The following ARHGEF33 variants were observed in gnomAD, a reference collection of about 807,000 sequenced individuals.
ARHGEF33 encodes the protein DH and coiled-coil domain-containing protein ENSP00000381780.
ARHGEF33 carries 72 observed loss-of-function variants against 101.9 expected under a neutral mutation model. That is an observed-to-expected ratio of 0.71 (90% CI 0.58 to 0.86). The LOEUF (loss-of-function observed/expected upper bound fraction) is 0.86, where lower values mean the gene tolerates loss of function less well. Among genes scored for constraint, ARHGEF33 ranks in the 40% least tolerant of loss-of-function variants. The probability of loss-of-function intolerance (pLI) is 0.00; values close to 1 mark genes in which losing one functional copy is unlikely to be tolerated. For missense variants in ARHGEF33, 1,169 were observed against 1,111.3 expected, an observed-to-expected ratio of 1.05 and a Z score of -0.74; for synonymous variants, 499 against 442.5, an observed-to-expected ratio of 1.13 and a Z score of -1.60.
chr2:38,939,745 G>A (rs1667255730), intron 9 of ARHGEF33, among the ~76,000 whole-genome samples: 1 of 152,062 alleles, frequency 6.6e-6, no homozygotes, highest in South Asian at 2.1e-4. Flanking sequence ...TGATCTCCTG[G>A]GCTTACGTGA....
chr2:38,939,868 C>T (rs1242103746), intron 9 of ARHGEF33, among the ~76,000 whole-genome samples: 2 of 152,166 alleles, frequency 1.3e-5, no homozygotes, highest in African/African-American at 4.8e-5. Flanking sequence ...TTCTGAGAAA[C>T]CTTTGCTATC....
At chr2:38,961,939 A>G (rs1667952496) in intron 16 of ARHGEF33, among the ~76,000 whole-genome samples, 1 of 152,186 alleles carries the variant, frequency 6.6e-6, no homozygotes, top group Non-Finnish European at 1.5e-5. Flanking sequence ...ATACTGTGCC[A>G]TGTCAAAGTG....
rs576374150 is a variant in ARHGEF33 at position 38,941,815 on chromosome 2, G to A, written c.791-2086G>A. Among the ~76,000 whole-genome samples the A allele has an allele frequency of 2.0e-5, 3 of 152,150 alleles. No individual in the cohort carries two copies. In the East Asian group the frequency reaches 5.8e-4, roughly 29 times the overall value. On this transcript the variant is annotated intron_variant, in intron 9 of 17. Coordinates refer to ENST00000409978, the MANE Select transcript of ARHGEF33 (RefSeq NM_001145451.5). ...CCACCCCGGCCTCCCAAAGTGCTGG[G>A]ATTACAGGTGTGAGCCACTGTGCCC...
At chr2:38,907,024 T>A (rs1666407921) in intron 2 of ARHGEF33, among the ~76,000 whole-genome samples, 1 of 152,044 alleles carries the variant, frequency 6.6e-6, no homozygotes, top group Non-Finnish European at 1.5e-5. Context: ...CAAAGCAGGC[T>A]TCATGAAGGG....
At chr2:38,928,265 T>A (rs1666917138) in intron 4 of ARHGEF33, among the ~76,000 whole-genome samples, 1 of 152,154 alleles carries the variant, frequency 6.6e-6, no homozygotes, top group Non-Finnish European at 1.5e-5. Context: ...ATGATTCATA[T>A]CACCATCAAC....
At chr2:38,908,091 C>T (rs1666432743) in intron 2 of ARHGEF33, among the ~76,000 whole-genome samples, 3 of 152,060 alleles carry the variant, frequency 2.0e-5, no homozygotes, top group Non-Finnish European at 4.4e-5. Context: ...TCTTGAACTC[C>T]TGGGCTCAAA....
chr2:38,946,439 T>C (rs551733481), intron 10 of ARHGEF33, among the ~76,000 whole-genome samples: 1 of 152,228 alleles, frequency 6.6e-6, no homozygotes, highest in Non-Finnish European at 1.5e-5. Flanking sequence ...CCTTCTTTTT[T>C]CTTTGCATGG....
intron 7 of ARHGEF33, among the ~76,000 whole-genome samples, chr2:38,935,011 A>G (rs527759074): frequency 2.0e-5 from 3 of 151,662 alleles, no homozygotes; most frequent in African/African-American, 4.8e-5. Context: ...AACGGGGGTA[A>G]AGCAGAGTGA....
intron 16 of ARHGEF33, among the ~76,000 whole-genome samples, chr2:38,965,122 T>A (rs1389290740): frequency 6.6e-6 from 1 of 152,180 alleles, no homozygotes; most frequent in Non-Finnish European, 1.5e-5. Flanking sequence ...TCATGAGACT[T>A]TTAGGGCATC....
chr2:38,954,383 A>C lies in ARHGEF33; in HGVS notation c.1148A>C (p.Glu383Ala). 1 of 1,544,698 alleles carries C rather than the reference A, an allele frequency of 6.5e-7. No homozygotes were observed. Among genetic ancestry groups the C allele is most frequent in the Non-Finnish European group, 8.8e-7 (1 of 1,141,246 alleles). Residue 383 changes from glutamate to alanine, a missense_variant, in exon 13 of 18, where the codon GAG becomes GCG. Glu to Ala is a moderately radical substitution (Grantham distance 107). Transcript: ENST00000409978. ...HVVVLKEGDEEIKSDIYTLFF... is the reference protein window; with the variant it reads ...HVVVLKEGDEAIKSDIYTLFF... ...CTTTCTTTCATTCAGGGTGATGAAG[A>C]GATTAAATCTGACATCTACACGTTG... is the stretch of plus-strand genomic sequence containing the variant.
intron 2 of ARHGEF33, among the ~76,000 whole-genome samples, chr2:38,908,659 G>C (rs1292228740): frequency 6.6e-6 from 1 of 152,140 alleles, no homozygotes; most frequent in African/African-American, 2.4e-5. Context: ...CCTGAGCTAT[G>C]GAATTACCTA....
intron 17 of ARHGEF33, among the ~76,000 whole-genome samples, chr2:38,966,393 T>C (rs779759258): frequency 1.3e-5 from 2 of 152,128 alleles, no homozygotes; most frequent in Non-Finnish European, 2.9e-5. Context: ...GTTCCCAAAG[T>C]CATGTGTCTT....
chr2:38,923,450 A>G (rs944874272), intron 4 of ARHGEF33, among the ~76,000 whole-genome samples: 8 of 152,122 alleles, frequency 5.3e-5, no homozygotes, highest in African/African-American at 1.2e-4. Flanking sequence ...GTAATTCTCT[A>G]TCTCATTTTA....
intron 2 of ARHGEF33, among the ~76,000 whole-genome samples, chr2:38,903,556 A>T (rs974110609): frequency 2.0e-5 from 3 of 152,184 alleles, no homozygotes; most frequent in Non-Finnish European, 2.9e-5. Context: ...AGGTGTTAAG[A>T]AGAAAGAAGT....
At chr2:38,972,697 A>G (rs1288034988) in intron 17 of ARHGEF33, among the ~76,000 whole-genome samples, 3 of 152,224 alleles carry the variant, frequency 2.0e-5, no homozygotes, top group Admixed American at 6.5e-5. Context: ...AACTTATCTA[A>G]TAACAAGAGT....
intron 2 of ARHGEF33, among the ~76,000 whole-genome samples, chr2:38,918,182 A>G (rs1666676977): frequency 6.6e-6 from 1 of 152,204 alleles, no homozygotes; most frequent in African/African-American, 2.4e-5. Flanking sequence ...CAACTGTCCT[A>G]GTGAGGAAAG....
chr2:38,970,055 G>A (rs889501796), intron 17 of ARHGEF33, among the ~76,000 whole-genome samples: 1 of 152,176 alleles, frequency 6.6e-6, no homozygotes, highest in Non-Finnish European at 1.5e-5. Context: ...AATGTAGATG[G>A]TACTCTCTCT....
chr2:38,967,731 A>G (rs905128907), intron 17 of ARHGEF33, among the ~76,000 whole-genome samples: 1 of 148,238 alleles, frequency 6.7e-6, no homozygotes, highest in African/African-American at 2.5e-5. Context: ...GCCCGCCACC[A>G]CGCCCTGGCT....
At chr2:38,897,667 A>G (rs1375239701) in intron 2 of ARHGEF33, among the ~76,000 whole-genome samples, 2 of 152,242 alleles carry the variant, frequency 1.3e-5, no homozygotes, top group Non-Finnish European at 2.9e-5. Context: ...CTGAACTTGT[A>G]GAAGTGAGAC....
Sources: allele counts gnomAD v4.1 joint callset (sites outside exome capture counted in the v4.1 genomes callset), GRCh38; gene constraint gnomAD v4.1.1; transcripts MANE v1.5; gene names NCBI Gene and HGNC (gene_info 2026-07-23, HGNC 2026-07-21).